Variants in RAVER2 observed in about 807,000 individuals in gnomAD.
The protein encoded by RAVER2 is ribonucleoprotein PTB-binding 2.
RAVER2 carries 46 observed loss-of-function variants against 78.1 expected under a neutral mutation model. The ratio of observed to expected loss-of-function variants is 0.59; its 90% confidence interval spans 0.46 to 0.75. The LOEUF is 0.75. Ranked by LOEUF, RAVER2 falls within the 30% of genes least tolerant of loss-of-function variation. RAVER2 has a pLI of 0.00. For synonymous variants in RAVER2, 311 were observed against 313.3 expected (o/e 0.99, Z 0.08); for missense variants, 793 against 837.5 (o/e 0.95, Z 0.66).
chr1:64,768,653 C>T lies in RAVER2; in HGVS notation c.250-3C>T. Reference sequence around the variant, plus strand: ...ACTGAATTCGTGTTTTTTTCTCTTTCAGGAAGTTCATGATTTGTTAAAAGA... The same window carrying T: ...ACTGAATTCGTGTTTTTTTCTCTTTTAGGAAGTTCATGATTTGTTAAAAGA... On this transcript the variant is annotated splice_region_variant and splice_polypyrimidine_tract_variant and intron_variant, in intron 1 of 11. Coordinates refer to ENST00000294428, the Ensembl canonical transcript of RAVER2. 6.5e-7 allele frequency: 1 copy of T among 1,543,412 alleles called. No homozygotes were observed. The highest frequency in any genetic ancestry group is 8.9e-7 in the Non-Finnish European group (1 of 1,121,058).
chr1:64,772,236 A>G (rs897678964), intron 2 of RAVER2, among the ~76,000 whole-genome samples: 1 of 152,080 alleles, frequency 6.6e-6, no homozygotes, highest in East Asian at 1.9e-4. Context: ...GGAAGAAGCT[A>G]TAGAACAGAA....
chr1:64,796,497 G>C (rs6678099), intron 5 of RAVER2, among the ~76,000 whole-genome samples: 8,319 of 152,074 alleles, frequency 0.055, 574 homozygotes, highest in East Asian at 0.32. Flanking sequence ...AGCTTTGCTA[G>C]TTTGTATCTT....
Position 64,767,796 on chromosome 1 carries a change from T to A in RAVER2, c.250-860T>A, listed in dbSNP as rs185456690. Among the ~76,000 whole-genome samples the A allele has an allele frequency of 1.4e-4, 22 of 152,170 alleles. No homozygotes were observed. In the East Asian group the frequency reaches 4.2e-3, roughly 29 times the overall value. The stretch of plus-strand genomic sequence containing the variant: ...ACGATATGCAAAGCAATGCAAGTAG[T>A]ATATAAATATGTAAAATGCAGTTTC... On this transcript the variant is annotated intron_variant, in intron 1 of 11. Coordinates refer to ENST00000294428, the Ensembl canonical transcript of RAVER2.
In RAVER2 at chr1:64,789,635, T is replaced by C. The variant is rs1314034742; in HGVS notation, c.1105+121T>C. ...AAAATATATTTAAATTAGTATAAAA[T>C]ATTTAATTTTTCTAGGACCTGTTAA... On this transcript the variant is annotated intron_variant, in intron 5 of 11. Transcript: ENST00000294428. 7 of 818,456 alleles carry C rather than the reference T, an allele frequency of 8.6e-6. No homozygotes were observed. In the East Asian group the frequency reaches 2.8e-4, roughly 33 times the overall value. The allele number at this position is 818,456 out of a possible 1,614,324, so 50.7% of individuals were successfully genotyped here. A position where few individuals can be genotyped will look rare whatever the true frequency, so the allele number is the denominator to read the frequency against.
At chr1:64,808,198 A>C (rs890093099) in intron 9 of RAVER2, among the ~76,000 whole-genome samples, 4 of 152,170 alleles carry the variant, frequency 2.6e-5, no homozygotes, top group African/African-American at 9.7e-5. Flanking sequence ...ACTGATATTT[A>C]TAAATGTTGT....
At chr1:64,783,106 A>G (rs1481449774) in intron 4 of RAVER2, among the ~76,000 whole-genome samples, 1 of 152,168 alleles carries the variant, frequency 6.6e-6, no homozygotes, top group African/African-American at 2.4e-5. Flanking sequence ...TATATGTGCC[A>G]CATTTTCTTA....
At chr1:64,775,358 A>G (rs1652431777) in intron 2 of RAVER2, among the ~76,000 whole-genome samples, 1 of 152,140 alleles carries the variant, frequency 6.6e-6, no homozygotes, top group Non-Finnish European at 1.5e-5. Context: ...CCACATTTGT[A>G]ACTCTTTGTT....
exon 8 of RAVER2, chr1:64,805,094 A>G: frequency 6.2e-7 from 1 of 1,613,146 alleles, no homozygotes; most frequent in Non-Finnish European, 8.5e-7. Flanking sequence ...CATCATGGAG[A>G]AGCACATAAA....
intron 1 of RAVER2, among the ~76,000 whole-genome samples, chr1:64,749,480 G>A (rs1374108133): frequency 6.6e-6 from 1 of 152,190 alleles, no homozygotes; most frequent in Non-Finnish European, 1.5e-5. Flanking sequence ...CAAAGTGCTG[G>A]GATTACAGGC....
intron 5 of RAVER2, among the ~76,000 whole-genome samples, chr1:64,799,744 A>G (rs1160524377): frequency 1.3e-5 from 2 of 151,992 alleles, no homozygotes; most frequent in Non-Finnish European, 2.9e-5. Context: ...CCTGGCCGTG[A>G]TTTCCTTTTC....
intron 5 of RAVER2, among the ~76,000 whole-genome samples, chr1:64,790,431 C>T (rs535169983): frequency 6.6e-6 from 1 of 152,128 alleles, no homozygotes; most frequent in Admixed American, 6.6e-5. Context: ...TGCTTATGTT[C>T]GAGTAACCCT....
At chr1:64,761,460 G>A (rs971113142) in intron 1 of RAVER2, among the ~76,000 whole-genome samples, 2 of 152,190 alleles carry the variant, frequency 1.3e-5, no homozygotes, top group Non-Finnish European at 2.9e-5. Context: ...TAACTATCAT[G>A]AAGATGAGAT....
exon 9 of RAVER2, chr1:64,807,210 T>C (rs750916483): frequency 6.2e-7 from 1 of 1,612,570 alleles, no homozygotes; most frequent in Admixed American, 1.7e-5. Context: ...CTACAGCATC[T>C]AGCCTGATTC....
chr1:64,831,198 A>T, exon 12 of RAVER2: 1 of 392,362 alleles, frequency 2.5e-6, no homozygotes, highest in South Asian at 8.0e-5. Context: ...AGTCAGATGC[A>T]TCTTAATCAG....
At chr1:64,830,456 T>C (rs1196767469) in intron 11 of RAVER2, among the ~76,000 whole-genome samples, 3 of 152,206 alleles carry the variant, frequency 2.0e-5, no homozygotes, top group Non-Finnish European at 4.4e-5. Context: ...TAATTCAATA[T>C]GCAGCTTGAT....
At chr1:64,755,863 G>A (rs974049978) in intron 1 of RAVER2, among the ~76,000 whole-genome samples, 1 of 149,732 alleles carries the variant, frequency 6.7e-6, no homozygotes, top group Non-Finnish European at 1.5e-5. Context: ...TAAGTATAGC[G>A]TAAAGAATGT....
chr1:64,830,997 T>C lies in RAVER2; in HGVS notation c.*12T>C, dbSNP rs764574214. The stretch of plus-strand genomic sequence containing the variant: ...AGCGAGTATACTGAGTTAAGCTCTC[T>C]CCTAATAACCCCCTAAGGTTCTCTG... On this transcript the variant is annotated 3_prime_UTR_variant, in exon 12 of 12. Coordinates refer to ENST00000294428, the Ensembl canonical transcript of RAVER2. 1.2e-5 allele frequency: 20 copies of C among 1,610,456 alleles called. No homozygotes were observed. The South Asian group carries it at 2.2e-4, about 18-fold the overall frequency.
intron 11 of RAVER2, among the ~76,000 whole-genome samples, chr1:64,818,265 G>A (rs1027040112): frequency 2.0e-5 from 3 of 152,096 alleles, no homozygotes; most frequent in African/African-American, 7.2e-5. Context: ...GGCTGGGCGC[G>A]GTGGCTCACA....
intron 2 of RAVER2, among the ~76,000 whole-genome samples, chr1:64,771,961 C>T (rs1378839756): frequency 6.6e-6 from 1 of 152,044 alleles, no homozygotes; most frequent in Non-Finnish European, 1.5e-5. Flanking sequence ...AAATAGGATA[C>T]ATTAGGGGAA....
Sources: allele counts gnomAD v4.1 joint callset (sites outside exome capture counted in the v4.1 genomes callset), GRCh38; gene constraint gnomAD v4.1.1; transcripts MANE v1.5; gene names NCBI Gene and HGNC (gene_info 2026-07-23, HGNC 2026-07-21).